The following SEMA3C variants were observed in gnomAD, a reference collection of about 807,000 sequenced individuals.
SEMA3C encodes the protein semaphorin-3C.
Under a neutral mutation model 89.4 loss-of-function variants are expected in SEMA3C, and 47 were observed. The ratio of observed to expected loss-of-function variants is 0.53; its 90% confidence interval spans 0.42 to 0.67. The LOEUF is 0.67. Among genes scored for constraint, SEMA3C ranks in the 30% least tolerant of loss-of-function variants. The pLI is 0.00. For missense variants in SEMA3C, 839 were observed against 929.1 expected (o/e 0.90, Z 1.26); for synonymous variants, 310 against 320.2 (o/e 0.97, Z 0.34).
At chr7:80,881,753 A>G (rs571277849) in intron 2 of SEMA3C, among the ~76,000 whole-genome samples, 17 of 152,298 alleles carry the variant, frequency 1.1e-4, no homozygotes, top group African/African-American at 4.1e-4. Context: ...TATGGAGATA[A>G]CCCATTAGTA....
rs115037976 is a variant in SEMA3C, at chr7:80,779,304, T to C, written c.1354+10002A>G. Among the ~76,000 whole-genome samples the C allele has an allele frequency of 2.9e-3, 442 of 152,256 alleles. 2 individuals are homozygous for C. Among genetic ancestry groups the C allele is most frequent in the African/African-American group, 0.01 (426 of 41,546 alleles). Reference sequence around the variant, plus strand: ...AGTGATCAATTTAGACTCTCATGCATAGTAGGTCAAAAGAGGAGATAAGTG... The same window carrying C: ...AGTGATCAATTTAGACTCTCATGCACAGTAGGTCAAAAGAGGAGATAAGTG... On this transcript the variant is annotated intron_variant, in intron 12 of 17. Transcript: ENST00000265361.
chr7:80,914,878 C>T (rs12155492), intron 2 of SEMA3C, among the ~76,000 whole-genome samples: 83,595 of 152,072 alleles, frequency 0.55, 25,384 homozygotes, highest in South Asian at 0.7. Context: ...CACTGTCTTA[C>T]ACAGTTCTGA....
At chr7:80,876,354 G>C (rs1281535483) in intron 2 of SEMA3C, among the ~76,000 whole-genome samples, 1 of 151,984 alleles carries the variant, frequency 6.6e-6, no homozygotes, top group African/African-American at 2.4e-5. Flanking sequence ...TTCTATACAG[G>C]CAGGTTGAGT....
chr7:80,767,048 C>G (rs1002711118), intron 12 of SEMA3C, among the ~76,000 whole-genome samples: 2 of 152,194 alleles, frequency 1.3e-5, no homozygotes, highest in East Asian at 3.9e-4. Context: ...AAGGTCAAAA[C>G]TGCAAACTTG....
chr7:80,788,954 T>C (rs191915465), intron 12 of SEMA3C, among the ~76,000 whole-genome samples: 1 of 152,266 alleles, frequency 6.6e-6, no homozygotes, highest in East Asian at 1.9e-4. Flanking sequence ...GAAGAAGTTT[T>C]TCACAAAGCT....
rs1789447595 is a variant in SEMA3C, at chr7:80,810,681, G to A, written c.468C>T (p.Asp156=). 1.2e-6 allele frequency: 2 copies of A among 1,613,592 alleles called. No homozygotes were observed. Among genetic ancestry groups the A allele is most frequent in the Non-Finnish European group, 1.7e-6 (2 of 1,179,656 alleles). The change falls in exon 6 of 18, where the codon GAC becomes GAT. Residue 156 remains aspartate, a synonymous_variant. Transcript: ENST00000265361. ...RRSEDQVFMI[D]SKCESGKGRC... is the part of the protein sequence containing the mutation. ...GTCCTTTTCCAGATTCACACTTGGA[G>A]TCAATCATGAAAACTTGGTCCTTTA...
At chr7:80,797,094 A>G (rs187524419) in intron 11 of SEMA3C, among the ~76,000 whole-genome samples, 164 of 152,318 alleles carry the variant, frequency 1.1e-3, no homozygotes, top group Non-Finnish European at 2.1e-3. Flanking sequence ...ACATAAATGT[A>G]TCTTTTGATT....
rs1527482 is a variant in SEMA3C at position 80,798,214 on chromosome 7, C to T, written c.1009G>A (p.Val337Met). 18,706 of 1,488,400 alleles carry T rather than the reference C, an allele frequency of 0.013. 591 individuals carry two copies. Among genetic ancestry groups the T allele is most frequent in the Admixed American group, 0.12 (4,779 of 40,408 alleles). 92.2% of individuals were successfully genotyped at this position (1,488,400 alleles called of 1,614,324 possible). A position where few individuals can be genotyped will look rare whatever the true frequency, so the allele number is the denominator to read the frequency against. The change falls in exon 11 of 18, where the codon GTG becomes ATG. Residue 337 changes from valine (V) to methionine (M), a missense_variant. Transcript: ENST00000265361. ...TSSSVFKGSAVCVYHLSDIQT... is the reference protein window; with the variant it reads ...TSSSVFKGSAMCVYHLSDIQT... ...ATATCAGATAAATGATACACACACA[C>T]GGCTGATCCTTTGAAAACTGAGCTA...
At chr7:80,790,969 T>C (rs1282517734) in intron 11 of SEMA3C, among the ~76,000 whole-genome samples, 1 of 152,016 alleles carries the variant, frequency 6.6e-6, no homozygotes, top group African/African-American at 2.4e-5. Context: ...TCATTGATTG[T>C]ATCTGGCCTG....
intron 2 of SEMA3C, among the ~76,000 whole-genome samples, chr7:80,914,745 G>A (rs372393632): frequency 6.7e-4 from 102 of 152,224 alleles, no homozygotes; most frequent in African/African-American, 2.2e-3. Flanking sequence ...TTCTACATAA[G>A]TTACAAATCA....
At chr7:80,907,427 C>A (rs1306653259) in intron 2 of SEMA3C, among the ~76,000 whole-genome samples, 1 of 152,012 alleles carries the variant, frequency 6.6e-6, no homozygotes, top group Non-Finnish European at 1.5e-5. Context: ...TTTATTCCTG[C>A]TTAATGTTCT....
At chr7:80,905,705 A>C in intron 2 of SEMA3C, 7 of 447,352 alleles carry the variant, frequency 1.6e-5, no homozygotes, top group Non-Finnish European at 2.2e-5. Flanking sequence ...CTGATGCTCT[A>C]AACTAGTTTA....
At chr7:80,824,429 T>C (rs879677555) in intron 4 of SEMA3C, among the ~76,000 whole-genome samples, 4 of 152,126 alleles carry the variant, frequency 2.6e-5, no homozygotes, top group African/African-American at 7.2e-5. Context: ...TGAGTAGATA[T>C]TTCCCAGGCT....
intron 17 of SEMA3C, among the ~76,000 whole-genome samples, chr7:80,747,025 C>CAT (rs60372155): frequency 0.95 from 143,590 of 151,940 alleles, 68,444 homozygotes; most frequent in East Asian, 1. Flanking sequence ...GAGTGAGAAG[C>CAT]ATGTTTTCTT....
At chr7:80,769,748 A>T (rs1788383596) in intron 12 of SEMA3C, among the ~76,000 whole-genome samples, 1 of 150,838 alleles carries the variant, frequency 6.6e-6, no homozygotes, top group Admixed American at 6.6e-5. Flanking sequence ...AAATCCAGTT[A>T]CTGAAGAGGC....
rs1792160450 is a variant in SEMA3C at position 80,911,912 on chromosome 7, C to T, written c.103+4767G>A. Among the ~76,000 whole-genome samples, 3 of 152,116 alleles carry T rather than the reference C, an allele frequency of 2.0e-5. No individual in the cohort carries two copies. In the South Asian group the frequency reaches 6.2e-4, roughly 32 times the overall value. On this transcript the variant is annotated intron_variant, in intron 2 of 17. Transcript: ENST00000265361. ...CCTCCCAAAGTGCTAGGATTACAGGCGTGAGCCCCCGTGCTCGACCACATT... is the reference window on the plus strand; with the variant it reads ...CCTCCCAAAGTGCTAGGATTACAGGTGTGAGCCCCCGTGCTCGACCACATT...
At chr7:80,862,540 C>T (rs891921056) in intron 2 of SEMA3C, among the ~76,000 whole-genome samples, 1 of 152,046 alleles carries the variant, frequency 6.6e-6, no homozygotes, top group African/African-American at 2.4e-5. Flanking sequence ...AAATTCAATG[C>T]AATCCCCATC....
intron 6 of SEMA3C, among the ~76,000 whole-genome samples, chr7:80,809,485 T>G (rs1168297390): frequency 6.6e-6 from 1 of 152,202 alleles, no homozygotes; most frequent in East Asian, 1.9e-4. Context: ...TTTTAGTTTT[T>G]GGGGGAATGT....
chr7:80,853,996 CA>C (rs1395611268), intron 2 of SEMA3C, among the ~76,000 whole-genome samples: 1 of 150,246 alleles, frequency 6.7e-6, no homozygotes, highest in African/African-American at 2.5e-5. Context: ...CATCATTTCA[CA>C]GAAAAAAAAA....
Sources: allele counts gnomAD v4.1 joint callset (sites outside exome capture counted in the v4.1 genomes callset), GRCh38; gene constraint gnomAD v4.1.1; transcripts MANE v1.5; gene names NCBI Gene and HGNC (gene_info 2026-07-23, HGNC 2026-07-21).